CSMD1: variants seen among roughly 807,000 people sequenced by gnomAD.
The protein encoded by CSMD1 is CUB and Sushi multiple domains 1.
In CSMD1, 213 loss-of-function variants were observed where a neutral mutation model predicts 417.5. That is an observed-to-expected ratio of 0.51 (90% CI 0.46 to 0.57). CSMD1 has a LOEUF of 0.57. CSMD1 is among the 20% of genes least tolerant of loss of function. The pLI is 0.00. For synonymous variants in CSMD1, 2,862 were observed against 1,736.8 expected (o/e 1.65, Z -16.11); for missense variants, 6,923 against 4,529.7 (o/e 1.53, Z -15.17).
chr8:3,118,495 C>A lies in CSMD1; in HGVS notation c.6334G>T (p.Glu2112Ter). ...ATTAGAATGTACCCAGGATAACACT[C>A]GAAAGATACTGATTGCCCCACGCTG... is the stretch of plus-strand genomic sequence containing the variant. Reference protein sequence around the residue: ...DYSVGQSVSFECYPGYILIGH... With the variant: ...DYSVGQSVSF Residue 2112 changes from glutamate to a stop codon, truncating the protein, a stop_gained, in exon 42 of 70, where the codon GAG (glutamate) becomes TAG (stop). Coordinates refer to ENST00000635120, the MANE Select transcript of CSMD1 (RefSeq NM_033225.6). LOFTEE classifies it high-confidence loss of function. 2 of 1,613,870 alleles carry A rather than the reference C, an allele frequency of 1.2e-6. No homozygotes were observed. The highest frequency in any genetic ancestry group is 1.7e-6 in the Non-Finnish European group (2 of 1,179,830).
chr8:3,407,997 T>C lies in CSMD1; in HGVS notation c.1973A>G (p.Glu658Gly). The C allele has an allele frequency of 6.2e-7, 1 of 1,613,886 alleles. No individual in the cohort carries two copies. The highest frequency in any genetic ancestry group is 8.5e-7 in the Non-Finnish European group (1 of 1,179,866). Reference protein sequence around the residue: ...ITVLGTFSGNEVPSQLASSGH... With the variant: ...ITVLGTFSGNGVPSQLASSGH... Reference sequence around the variant, plus strand: ...ACTGCTGGCCAGCTGGGAAGGCACTTCATTGCCAGAAAAAGTACCCAGGAC... The same window carrying C: ...ACTGCTGGCCAGCTGGGAAGGCACTCCATTGCCAGAAAAAGTACCCAGGAC... Residue 658 changes from glutamate (E) to glycine (G), a missense_variant, in exon 14 of 70, where the codon GAA (glutamate) becomes GGA (glycine). By Grantham distance (98) the Glu-to-Gly change is moderately conservative. Transcript: ENST00000635120.
rs772972964 is a variant in CSMD1, at chr8:4,479,213, G to C, written c.303-59148C>G. ...TGAAATGTCTTCAGAGCCCTGAGAAGATACCCCTGGAATTACATATTAATA... is the reference window on the plus strand; with the variant it reads ...TGAAATGTCTTCAGAGCCCTGAGAACATACCCCTGGAATTACATATTAATA... On this transcript the variant is annotated intron_variant, in intron 2 of 69. Coordinates refer to ENST00000635120, the MANE Select transcript of CSMD1 (RefSeq NM_033225.6). Among the ~76,000 whole-genome samples the C allele has an allele frequency of 2.0e-5, 3 of 152,278 alleles. No individual in the cohort carries two copies. The East Asian group carries it at 5.8e-4, about 29-fold the overall frequency.
At chr8:3,621,065 C>T (rs1336051464) in intron 7 of CSMD1, among the ~76,000 whole-genome samples, 2 of 152,140 alleles carry the variant, frequency 1.3e-5, no homozygotes, top group African/African-American at 4.8e-5. Flanking sequence ...AAGGAAAGTC[C>T]ATGTGAAGAC....
chr8:3,400,256 C>T lies in CSMD1; in HGVS notation c.2267-727G>A, dbSNP rs552498114. On this transcript the variant is annotated intron_variant, in intron 15 of 69. Transcript: ENST00000635120. Reference sequence around the variant, plus strand: ...GTAATTAAGAATATGTCCCTGGCCACATGTTTTCTTTCAGATTTTATGTAT... The same window carrying T: ...GTAATTAAGAATATGTCCCTGGCCATATGTTTTCTTTCAGATTTTATGTAT... Among the ~76,000 whole-genome samples, 21 of 152,256 alleles carry T rather than the reference C, an allele frequency of 1.4e-4. 1 individual carries two copies. In the South Asian group the frequency reaches 3.1e-3, roughly 23 times the overall value.
chr8:3,712,398 G>GAGACAGAC (rs71203463), intron 6 of CSMD1, among the ~76,000 whole-genome samples: 3 of 28,932 alleles, frequency 1.0e-4, no homozygotes, highest in African/African-American at 2.2e-4. Flanking sequence ...GAGAGAGAGA[G>GAGACAGAC]AGACAGACAG....
chr8:3,275,927 C>T (rs1240917006), intron 26 of CSMD1, among the ~76,000 whole-genome samples: 1 of 152,192 alleles, frequency 6.6e-6, no homozygotes, highest in African/African-American at 2.4e-5. Context: ...CTTCTCTCAG[C>T]TTGTCAAACT....
chr8:4,922,539 C>A (rs940605632), intron 1 of CSMD1, among the ~76,000 whole-genome samples: 1 of 152,130 alleles, frequency 6.6e-6, no homozygotes, highest in African/African-American at 2.4e-5. Flanking sequence ...CATTCACACC[C>A]TTTCAGTTTT....
chr8:3,716,789 T>G (rs2720797), intron 6 of CSMD1, among the ~76,000 whole-genome samples: 138,159 of 152,142 alleles, frequency 0.91, 62,900 homozygotes, highest in Admixed American at 0.94. Context: ...AACTTTCCAT[T>G]TAACTCTGTT....
At chr8:3,976,924 T>A (rs886647893) in intron 5 of CSMD1, among the ~76,000 whole-genome samples, 13 of 152,334 alleles carry the variant, frequency 8.5e-5, no homozygotes, top group Admixed American at 2.6e-4. Flanking sequence ...GCCATTTACA[T>A]AGTGTCTAGT....
chr8:4,355,711 G>T (rs1439985453), intron 3 of CSMD1, among the ~76,000 whole-genome samples: 24 of 152,124 alleles, frequency 1.6e-4, no homozygotes, highest in Admixed American at 1.5e-3. Context: ...CCAAGTTAAG[G>T]GTCCAGCAAT....
At chr8:3,379,533 C>G (rs1035196372) in intron 18 of CSMD1, among the ~76,000 whole-genome samples, 1 of 152,158 alleles carries the variant, frequency 6.6e-6, no homozygotes, top group African/African-American at 2.4e-5. Flanking sequence ...CAGCAAGGTA[C>G]TGGTACCAAA....
At chr8:4,509,598 C>A (rs987651094) in intron 2 of CSMD1, among the ~76,000 whole-genome samples, 1 of 152,102 alleles carries the variant, frequency 6.6e-6, no homozygotes, top group African/African-American at 2.4e-5. Flanking sequence ...AGCAGACACA[C>A]CCCAGCCAAG....
intron 1 of CSMD1, among the ~76,000 whole-genome samples, chr8:4,936,577 C>T (rs1308292056): frequency 3.9e-5 from 6 of 152,150 alleles, no homozygotes; most frequent in Admixed American, 6.5e-5. Context: ...TTTAAGTAGA[C>T]CTACCTGTGA....
intron 5 of CSMD1, among the ~76,000 whole-genome samples, chr8:3,960,020 C>T (rs1812215925): frequency 6.6e-6 from 1 of 152,124 alleles, no homozygotes; most frequent in Non-Finnish European, 1.5e-5. Context: ...TATTTCAAGC[C>T]TTTGCAAGGA....
chr8:4,106,723 A>G (rs1459858451), intron 3 of CSMD1, among the ~76,000 whole-genome samples: 2 of 152,176 alleles, frequency 1.3e-5, no homozygotes, highest in East Asian at 3.8e-4. Context: ...CGTTTTATAC[A>G]CACAGCTCTT....
chr8:3,934,769 C>T (rs949890043), intron 5 of CSMD1, among the ~76,000 whole-genome samples: 18 of 152,052 alleles, frequency 1.2e-4, no homozygotes, highest in Non-Finnish European at 2.4e-4. Flanking sequence ...ATCACTTGAA[C>T]CTGGGAAGCA....
chr8:4,434,933 C>T (rs1039958493), intron 2 of CSMD1, among the ~76,000 whole-genome samples: 2 of 152,156 alleles, frequency 1.3e-5, no homozygotes, highest in South Asian at 4.1e-4. Flanking sequence ...AAAGTGACAA[C>T]AGATGTTAAA....
At chr8:3,369,513 C>G (rs545723664) in intron 18 of CSMD1, 143 bp from the exon 19 acceptor site, 67 of 591,206 alleles carry the variant, frequency 1.1e-4, no homozygotes, top group African/African-American at 1.1e-3. Context: ...AGAACCTGAG[C>G]TTTATGTTAC....
chr8:3,985,384 T>C (rs1563285689), intron 5 of CSMD1, among the ~76,000 whole-genome samples: 1 of 152,162 alleles, frequency 6.6e-6, no homozygotes, highest in Non-Finnish European at 1.5e-5. Context: ...CCATAGAAAG[T>C]AAATGAATAT....
Sources: allele counts gnomAD v4.1 joint callset (sites outside exome capture counted in the v4.1 genomes callset), GRCh38; gene constraint gnomAD v4.1.1; transcripts MANE v1.5; gene names NCBI Gene and HGNC (gene_info 2026-07-23, HGNC 2026-07-21).